EVL: variants seen among roughly 807,000 people sequenced by gnomAD.
EVL encodes the protein Enah/Vasp-like.
In EVL, 21 loss-of-function variants were observed where a neutral mutation model predicts 59.6. The ratio of observed to expected loss-of-function variants is 0.35; its 90% CI spans 0.25 to 0.51. The LOEUF (loss-of-function observed/expected upper bound fraction) is 0.51. EVL is among the 20% of genes least tolerant of loss of function. The pLI is 0.97. For missense variants in EVL, 462 were observed against 546.6 expected, an observed-to-expected ratio of 0.85 and a Z score of 1.54; for synonymous variants, 198 against 203.5, an observed-to-expected ratio of 0.97 and a Z score of 0.23.
intron 1 of EVL, among the ~76,000 whole-genome samples, chr14:100,014,481 A>G (rs976852322): frequency 2.6e-5 from 4 of 152,196 alleles, no homozygotes; most frequent in Admixed American, 1.3e-4. Context: ...TTTATGGTTG[A>G]ATAGTACTCC....
chr14:100,123,424 T>C, intron 3 of EVL, 115 bp from the exon 4 acceptor site: 1 of 990,158 alleles, frequency 1.0e-6, no homozygotes, highest in South Asian at 1.5e-5. Context: ...AAAAAGATTC[T>C]TAAGGATGTC....
intron 1 of EVL, among the ~76,000 whole-genome samples, chr14:100,068,299 G>T (rs527954150): frequency 2.0e-5 from 3 of 152,268 alleles, no homozygotes; most frequent in African/African-American, 4.8e-5. Context: ...AAATACAGAG[G>T]CTGGAGCAAC....
chr14:100,000,985 A>C (rs2060942806), intron 1 of EVL, among the ~76,000 whole-genome samples: 1 of 152,162 alleles, frequency 6.6e-6, no homozygotes, highest in Admixed American at 6.5e-5. Context: ...TTAATAGAAT[A>C]ATATTAGGAA....
chr14:100,056,657 A>G (rs1031616133), intron 1 of EVL, among the ~76,000 whole-genome samples: 6 of 152,160 alleles, frequency 3.9e-5, no homozygotes, highest in Non-Finnish European at 8.8e-5. Context: ...CATGTGGTCT[A>G]CTTCTGCTGC....
intron 1 of EVL, among the ~76,000 whole-genome samples, chr14:100,068,466 T>C (rs2061983081): frequency 1.3e-5 from 2 of 152,112 alleles, no homozygotes; most frequent in African/African-American, 4.8e-5. Flanking sequence ...AGACATCTCA[T>C]AGAAGCTTAA....
intron 1 of EVL, among the ~76,000 whole-genome samples, chr14:100,021,997 T>G (rs2140203644): frequency 6.6e-6 from 1 of 152,178 alleles, no homozygotes; most frequent in East Asian, 1.9e-4. Flanking sequence ...CGCTATGAAC[T>G]AACTTGGTGG....
At chr14:100,026,013 G>A (rs2061204750) in intron 1 of EVL, among the ~76,000 whole-genome samples, 1 of 152,094 alleles carries the variant, frequency 6.6e-6, no homozygotes, top group Non-Finnish European at 1.5e-5. Context: ...CATTTTGGGA[G>A]GCTGAGGCGG....
chr14:100,057,322 T>G (rs2061749541), intron 1 of EVL, among the ~76,000 whole-genome samples: 1 of 152,114 alleles, frequency 6.6e-6, no homozygotes, highest in Non-Finnish European at 1.5e-5. Flanking sequence ...TCCACGGAAG[T>G]CTAAGGTCAC....
At chr14:100,116,469 C>T (rs1179700730) in intron 3 of EVL, among the ~76,000 whole-genome samples, 1 of 152,216 alleles carries the variant, frequency 6.6e-6, no homozygotes, top group Non-Finnish European at 1.5e-5. Flanking sequence ...TGAGCCCATC[C>T]CTTCCATCCC....
intron 1 of EVL, among the ~76,000 whole-genome samples, chr14:100,077,295 G>A (rs2062184156): frequency 6.6e-6 from 1 of 152,250 alleles, no homozygotes; most frequent in African/African-American, 2.4e-5. Context: ...AGAACAGATG[G>A]CCATTGGGCC....
chr14:100,098,707 A>G (rs1449180992), intron 3 of EVL, among the ~76,000 whole-genome samples: 2 of 152,168 alleles, frequency 1.3e-5, no homozygotes, highest in Non-Finnish European at 2.9e-5. Flanking sequence ...TGGAGAGCCT[A>G]CCTTGGGAGA....
intron 1 of EVL, among the ~76,000 whole-genome samples, chr14:100,054,372 G>T (rs908355882): frequency 8.5e-5 from 13 of 152,066 alleles, no homozygotes; most frequent in African/African-American, 3.1e-4. Context: ...ACATCTTTAC[G>T]CGGCCATGTT....
At chr14:100,137,875 A>G (rs767150089) in intron 11 of EVL, 73 bp downstream of exon 11, 1 of 1,427,412 alleles carries the variant, frequency 7.0e-7, no homozygotes, top group Non-Finnish European at 9.9e-7. Context: ...CGTGACTAAC[A>G]CCCTTGCACG....
intron 1 of EVL, among the ~76,000 whole-genome samples, chr14:100,029,003 T>C (rs2061267212): frequency 6.6e-6 from 1 of 152,214 alleles, no homozygotes; most frequent in Admixed American, 6.5e-5. Context: ...TTGAGGATAA[T>C]GTATAGGAAA....
intron 1 of EVL, chr14:100,052,670 T>G (rs538752022): frequency 1.3e-5 from 2 of 152,094 alleles, no homozygotes; most frequent in South Asian, 4.2e-4. Flanking sequence ...GGAGAATCTC[T>G]TGAACCCAGG....
intron 13 of EVL, among the ~76,000 whole-genome samples, chr14:100,143,389 A>G (rs1889316285): frequency 6.6e-6 from 1 of 152,098 alleles, no homozygotes; most frequent in South Asian, 2.1e-4. Flanking sequence ...GCAGCTCCTC[A>G]CACCAGAGTT....
At chr14:100,131,469 C>G (rs369154472) in intron 7 of EVL, among the ~76,000 whole-genome samples, 2 of 152,210 alleles carry the variant, frequency 1.3e-5, no homozygotes, top group South Asian at 2.1e-4. Context: ...TGTAGGTTGT[C>G]TCCCGCCTCT....
At chr14:100,140,010 T>TG (rs1335681637) in intron 11 of EVL, 1 of 151,976 alleles carries the variant, frequency 6.6e-6, no homozygotes, top group Non-Finnish European at 1.5e-5. Context: ...TCCCAGCACT[T>TG]TGGGAGGCCG....
intron 1 of EVL, among the ~76,000 whole-genome samples, chr14:100,024,609 G>C (rs952448078): frequency 6.6e-6 from 1 of 152,068 alleles, no homozygotes; most frequent in Admixed American, 6.5e-5. Flanking sequence ...CTCTAGCCAC[G>C]TGGGCCTTGT....
Sources: allele counts gnomAD v4.1 joint callset (sites outside exome capture counted in the v4.1 genomes callset), GRCh38; gene constraint gnomAD v4.1.1; transcripts MANE v1.5; gene names NCBI Gene and HGNC (gene_info 2026-07-23, HGNC 2026-07-21).